The following ZHX3 variants were observed in gnomAD, a reference collection of about 807,000 sequenced individuals.
ZHX3 encodes the protein zinc fingers and homeoboxes protein 3.
ZHX3 carries 20 observed loss-of-function variants against 64.5 expected under a neutral mutation model. The observed-to-expected ratio is 0.31, with a 90% confidence interval of 0.22 to 0.45. The LOEUF is 0.45. Among genes scored for constraint, ZHX3 ranks in the 20% least tolerant of loss-of-function variants. The pLI is 1.00. For synonymous variants in ZHX3, 423 were observed against 461.6 expected (o/e 0.92, Z 1.07); for missense variants, 1,041 against 1,195.8 (o/e 0.87, Z 1.91).
chr20:41,255,212 C>CAT (rs2042185553), intron 2 of ZHX3, among the ~76,000 whole-genome samples: 2 of 152,052 alleles, frequency 1.3e-5, no homozygotes, highest in Non-Finnish European at 1.5e-5. Flanking sequence ...AGTGCAGTGG[C>CAT]GCCATCTCGG....
At chr20:41,246,953 T>C (rs1048951713) in intron 2 of ZHX3, among the ~76,000 whole-genome samples, 1 of 151,856 alleles carries the variant, frequency 6.6e-6, no homozygotes, top group Admixed American at 6.6e-5. Flanking sequence ...TTTATAGACA[T>C]GAACTCTTAT....
intron 2 of ZHX3, among the ~76,000 whole-genome samples, chr20:41,207,934 T>C (rs374012724): frequency 7.9e-5 from 12 of 152,006 alleles, no homozygotes; most frequent in African/African-American, 2.9e-4. Context: ...TCAAAATTGA[T>C]AGACAGCTAG....
At chr20:41,316,863 C>G (rs192657945) in intron 1 of ZHX3, 374 of 152,446 alleles carry the variant, frequency 2.5e-3, no homozygotes, top group Middle Eastern at 0.017. Flanking sequence ...TCCACTCACA[C>G]GCCACTCAGG....
chr20:41,250,601 G>C (rs562638244), intron 2 of ZHX3, among the ~76,000 whole-genome samples: 1 of 152,182 alleles, frequency 6.6e-6, no homozygotes, highest in African/African-American at 2.4e-5. Flanking sequence ...TCACAGGAGA[G>C]AATAAAAAGA....
chr20:41,290,497 C>T (rs953022183), intron 1 of ZHX3: 4 of 152,174 alleles, frequency 2.6e-5, no homozygotes, highest in African/African-American at 7.2e-5. Flanking sequence ...GTACTACAGC[C>T]CTAACTCCTG....
Position 41,185,346 on chromosome 20 carries a change from A to C in ZHX3, c.2861-145T>G. ...AGCAATGAATGGCCTTCTGCCACCC[A>C]CTCCCCCACCCTCCAGCCTGAGGGA... On this transcript the variant is annotated intron_variant, in intron 3 of 3. Transcript: ENST00000683867. This position sits in a 1 kb window ranked among gnomAD's most constrained non-coding sequence, Gnocchi z 5.0. The C allele has an allele frequency of 1.0e-6, 1 of 979,180 alleles. No homozygotes were observed. Among genetic ancestry groups the C allele is most frequent in the Non-Finnish European group, 1.5e-6 (1 of 667,676 alleles). The allele number at this position is 979,180 out of a possible 1,614,324, so 60.7% of individuals were successfully genotyped here. A position where few individuals can be genotyped will look rare whatever the true frequency, so the allele number is the denominator to read the frequency against.
chr20:41,192,693 C>A (rs1178953702), intron 3 of ZHX3, among the ~76,000 whole-genome samples: 1 of 152,232 alleles, frequency 6.6e-6, no homozygotes. Context: ...CACCTCAGCC[C>A]TGGCACTCAG....
At position 41,185,194 on chromosome 20, in the gene ZHX3, GTC is replaced by G; in HGVS notation, c.2866_2867del (p.Asp956LeufsTer5). 1 of 1,608,736 alleles carries G rather than the reference GTC, an allele frequency of 6.2e-7. No homozygotes were observed. The highest frequency in any genetic ancestry group is 8.5e-7 in the Non-Finnish European group (1 of 1,177,148). On this transcript the variant is annotated frameshift_variant, in exon 4 of 4. Transcript: ENST00000683867. LOFTEE classifies it high-confidence loss of function. The surrounding 1 kb of genome is among the most constrained non-coding windows in gnomAD (Gnocchi z 5.0). Reference protein sequence around the residue: ...SPQAGRQLETD With the variant: ...SPQAGRQLETX ...CTTCACATTAATCAGATCAAATTCA[GTC>G]TGTTTCTGAGAAGAAAACACATGCC...
chr20:41,185,069 C>T lies in ZHX3; in HGVS notation c.*122G>A. On this transcript the variant is annotated 3_prime_UTR_variant, in exon 4 of 4. Coordinates refer to ENST00000683867, the MANE Select transcript of ZHX3 (RefSeq NM_001384317.1). This position sits in a 1 kb window ranked among gnomAD's most constrained non-coding sequence, Gnocchi z 5.0. The stretch of plus-strand genomic sequence containing the variant: ...GCTGTCTGCGAGGATTCTGGAAGCT[C>T]TCCCAGGTGCCCAGCAGCCGGGCAT... The T allele has an allele frequency of 6.4e-7, 1 of 1,554,722 alleles. No individual in the cohort carries two copies. Among genetic ancestry groups the T allele is most frequent in the Non-Finnish European group, 8.7e-7 (1 of 1,148,208 alleles).
At chr20:41,276,337 C>G (rs1490218660) in intron 1 of ZHX3, among the ~76,000 whole-genome samples, 1 of 152,078 alleles carries the variant, frequency 6.6e-6, no homozygotes, top group Non-Finnish European at 1.5e-5. Flanking sequence ...ACTCCTTAGC[C>G]TGAAGCCTCT....
At chr20:41,236,675 A>G (rs1269647264) in intron 2 of ZHX3, among the ~76,000 whole-genome samples, 1 of 152,252 alleles carries the variant, frequency 6.6e-6, no homozygotes, top group Non-Finnish European at 1.5e-5. Context: ...ACCCTAGAAG[A>G]AAACCTAGGC....
chr20:41,248,691 TTA>T (rs1278886931), intron 2 of ZHX3, among the ~76,000 whole-genome samples: 1 of 152,246 alleles, frequency 6.6e-6, no homozygotes, highest in Non-Finnish European at 1.5e-5. Context: ...CCTCATTCTT[TTA>T]TAAAGCTCCC....
chr20:41,203,060 T>G lies in ZHX3; in HGVS notation c.1857A>C (p.Arg619Ser), dbSNP rs201772741. The stretch of plus-strand genomic sequence containing the variant: ...CCAGGGCTCTGAGCTGCTCAGGGGC[T>G]CTCTCCTTGTATTTGGTTGGTGTGA... ...PDFTPTKYKE[R>S]APEQLRALES... The change falls in exon 3 of 4, where the codon AGA (arginine) becomes AGC (serine). Residue 619 changes from arginine to serine, a missense_variant. Around this residue, in one of 4 missense-constraint regions of ZHX3, gnomAD observed 649 missense variants for 739.8 expected, o/e 0.88. Coordinates refer to ENST00000683867, the MANE Select transcript of ZHX3 (RefSeq NM_001384317.1). The surrounding 1 kb of genome is among the most constrained non-coding windows in gnomAD (Gnocchi z 7.1). 128 of 1,614,030 alleles carry G rather than the reference T, an allele frequency of 7.9e-5. No individual in the cohort carries two copies. Among genetic ancestry groups the G allele is most frequent in the Non-Finnish European group, 9.7e-5 (114 of 1,180,038 alleles).
At position 41,201,558 on chromosome 20, in the gene ZHX3, T is replaced by C. The variant is rs908845015; in HGVS notation, c.2860+499A>G. Among the ~76,000 whole-genome samples, 3 of 152,248 alleles carry C rather than the reference T, an allele frequency of 2.0e-5. No homozygotes were observed. Among genetic ancestry groups the C allele is most frequent in the African/African-American group, 7.2e-5 (3 of 41,466 alleles). ...AAAGAAGGAAGGTGATTTTCCATTA[T>C]ACTAAACATTTCTTCTACATCAGGC... On this transcript the variant is annotated intron_variant, in intron 3 of 3. Transcript: ENST00000683867. The surrounding 1 kb of genome is among the most constrained non-coding windows in gnomAD (Gnocchi z 5.0).
intron 2 of ZHX3, among the ~76,000 whole-genome samples, chr20:41,250,470 G>A (rs980673571): frequency 1.3e-5 from 2 of 152,136 alleles, no homozygotes; most frequent in Non-Finnish European, 2.9e-5. Context: ...AATCATTTGA[G>A]GCCAGGAGTT....
At chr20:41,252,270 G>A (rs2042029285) in intron 2 of ZHX3, among the ~76,000 whole-genome samples, 2 of 152,320 alleles carry the variant, frequency 1.3e-5, no homozygotes, top group African/African-American at 4.8e-5. Context: ...AAGTTAGGGA[G>A]CAGAGGGATA....
chr20:41,301,690 A>C (rs1364717505), intron 1 of ZHX3, among the ~76,000 whole-genome samples: 1 of 152,064 alleles, frequency 6.6e-6, no homozygotes, highest in Admixed American at 6.5e-5. Context: ...CATTTTGTGC[A>C]AATAAACACC....
At chr20:41,260,796 T>C (rs1486534186) in intron 2 of ZHX3, among the ~76,000 whole-genome samples, 2 of 152,212 alleles carry the variant, frequency 1.3e-5, no homozygotes, top group South Asian at 2.1e-4. Flanking sequence ...ATTCTAATTT[T>C]GCCTCCAGTT....
chr20:41,275,443 A>G (rs1000962140), intron 1 of ZHX3, among the ~76,000 whole-genome samples: 1 of 152,182 alleles, frequency 6.6e-6, no homozygotes, highest in African/African-American at 2.4e-5. Context: ...GGAAAAAAAA[A>G]TAGGCCCAGG....
Sources: gnomAD v4.1 joint callset for allele counts (sites outside exome capture counted in the v4.1 genomes callset) on GRCh38, gnomAD v4.1.1 for gene constraint, gnomAD v4.1.1 regional missense constraint, Gnocchi (gnomAD v3.1) non-coding constraint, MANE v1.5 for transcripts, NCBI Gene and HGNC (gene_info 2026-07-23, HGNC 2026-07-21) for gene names.